Variants in PPM1E observed in about 807,000 individuals in gnomAD.
PPM1E encodes the protein protein phosphatase, Mg2+/Mn2+ dependent 1E, also known as protein phosphatase 1E.
Under a neutral mutation model 65.9 loss-of-function variants are expected in PPM1E, and 20 were observed. The observed-to-expected ratio is 0.30, with a 90% CI of 0.21 to 0.44. PPM1E has a LOEUF of 0.44. PPM1E is among the 20% of genes least tolerant of loss of function. The pLI is 1.00. For missense variants in PPM1E, 713 were observed against 953.1 expected, an observed-to-expected ratio of 0.75 and a Z score of 3.32; for synonymous variants, 352 against 374.9, an observed-to-expected ratio of 0.94 and a Z score of 0.70.
chr17:58,977,747 A>G (rs923717205), intron 6 of PPM1E, among the ~76,000 whole-genome samples: 9 of 152,130 alleles, frequency 5.9e-5, no homozygotes, highest in African/African-American at 2.2e-4. Flanking sequence ...AATGTTGGAA[A>G]GAAACTTTTT....
At chr17:58,873,600 A>ATTATTG (rs2051096556) in intron 1 of PPM1E, among the ~76,000 whole-genome samples, 1 of 111,664 alleles carries the variant, frequency 9.0e-6, no homozygotes, top group Non-Finnish European at 2.0e-5. Flanking sequence ...TATTATTATT[A>ATTATTG]TTATTATTTT....
intron 6 of PPM1E, 47 bp downstream of exon 6, chr17:58,972,972 C>T: frequency 1.5e-6 from 2 of 1,354,748 alleles, no homozygotes; most frequent in Non-Finnish European, 2.1e-6. Flanking sequence ...TCTTCTAGCT[C>T]ATTCTCCTGT....
Position 58,837,320 on chromosome 17 carries a change from A to AACACACACAC in PPM1E, c.464+80861_464+80870dup, listed in dbSNP as rs371754222. Among the ~76,000 whole-genome samples, 70 of 120,282 alleles carry AACACACACAC rather than the reference A, an allele frequency of 5.8e-4. 1 individual carries two copies. Among genetic ancestry groups the AACACACACAC allele is most frequent in the African/African-American group, 1.3e-3 (39 of 30,426 alleles). The allele number at this position is 120,282 out of a possible 152,430, so 78.9% of individuals were successfully genotyped here. A position where few individuals can be genotyped will look rare whatever the true frequency, so the allele number is the denominator to read the frequency against. ...TATACAACTGTCAGAGAATGAGAAT[A>AACACACACAC]ACACACACACATACACACACACACA... is the stretch of plus-strand genomic sequence containing the variant. On this transcript the variant is annotated intron_variant, in intron 1 of 6. Transcript: ENST00000308249.
chr17:58,949,340 C>T lies in PPM1E; in HGVS notation c.465-6309C>T, dbSNP rs563101121. 2.6e-5 allele frequency among the ~76,000 whole-genome samples: 4 copies of T among 152,190 alleles called. No homozygotes were observed. In the South Asian group the frequency reaches 8.3e-4, roughly 32 times the overall value. On this transcript the variant is annotated intron_variant, in intron 1 of 6. Coordinates refer to ENST00000308249, the MANE Select transcript of PPM1E (RefSeq NM_014906.5). ...CCTGCTTGCTTTTGGTTTCCATTTG[C>T]GTGGAATATCTCTTTCCATCCCTTC...
At chr17:58,793,617 A>G (rs1437892148) in intron 1 of PPM1E, among the ~76,000 whole-genome samples, 3 of 151,996 alleles carry the variant, frequency 2.0e-5, no homozygotes, top group Non-Finnish European at 2.9e-5. Flanking sequence ...AGGACTCCCA[A>G]AGTGCTGGGA....
At chr17:58,787,924 AAAG>A (rs1294654960) in intron 1 of PPM1E, among the ~76,000 whole-genome samples, 1 of 151,566 alleles carries the variant, frequency 6.6e-6, no homozygotes, top group African/African-American at 2.4e-5. Context: ...AAAAAAAAGA[AAAG>A]AAAGAAAAAA....
At chr17:58,775,686 G>A (rs962731832) in intron 1 of PPM1E, among the ~76,000 whole-genome samples, 17 of 150,342 alleles carry the variant, frequency 1.1e-4, no homozygotes, top group South Asian at 1.1e-3. Flanking sequence ...AGGCCGAGGC[G>A]GGTGGATCAT....
intron 1 of PPM1E, among the ~76,000 whole-genome samples, chr17:58,907,532 A>G (rs755183308): frequency 6.6e-6 from 1 of 152,168 alleles, no homozygotes; most frequent in Non-Finnish European, 1.5e-5. Flanking sequence ...GAGTTCAACT[A>G]TGTCCTTACT....
chr17:58,821,212 G>A (rs1465273558), intron 1 of PPM1E, among the ~76,000 whole-genome samples: 2 of 152,090 alleles, frequency 1.3e-5, no homozygotes, highest in African/African-American at 2.4e-5. Context: ...CCGGGTTCAC[G>A]CCATTCTCCT....
intron 3 of PPM1E, 98 bp from the exon 4 acceptor site, chr17:58,969,441 T>A: frequency 8.8e-7 from 1 of 1,137,034 alleles, no homozygotes; most frequent in South Asian, 1.3e-5. Flanking sequence ...ACAAATGCAG[T>A]GGAGGAGAAA....
intron 1 of PPM1E, among the ~76,000 whole-genome samples, chr17:58,877,710 T>C (rs894333345): frequency 3.3e-5 from 5 of 152,182 alleles, no homozygotes; most frequent in African/African-American, 1.2e-4. Flanking sequence ...AATCACAGGA[T>C]TGGGAAACTT....
chr17:58,791,761 C>T (rs144494369), intron 1 of PPM1E, among the ~76,000 whole-genome samples: 277 of 152,184 alleles, frequency 1.8e-3, no homozygotes, highest in African/African-American at 6.3e-3. Context: ...ATGGAGGTTA[C>T]GCAGGTAATG....
intron 1 of PPM1E, among the ~76,000 whole-genome samples, chr17:58,796,834 G>T (rs983961794): frequency 1.3e-5 from 2 of 152,136 alleles, no homozygotes; most frequent in African/African-American, 4.8e-5. Context: ...GGCCAGCCAT[G>T]GTGGCTCACA....
chr17:58,980,783 T>C lies in PPM1E; in HGVS notation c.2020T>C (p.Tyr674His). Residue 674 changes from tyrosine to histidine, a missense_variant, in exon 7 of 7, where the codon TAC (tyrosine) becomes CAC (histidine). Coordinates refer to ENST00000308249, the MANE Select transcript of PPM1E (RefSeq NM_014906.5). This position sits in a 1 kb window ranked among gnomAD's most constrained non-coding sequence, Gnocchi z 4.7. ...VSRLSHLRHH[Y>H]SKKWHRFRFN... ...TAGATTGTCTCATTTACGCCACCAC[T>C]ACTCAAAGAAGTGGCACAGATTCAG... is the stretch of plus-strand genomic sequence containing the variant. 3 of 1,614,188 alleles carry C rather than the reference T, an allele frequency of 1.9e-6. No individual in the cohort carries two copies. Among genetic ancestry groups the C allele is most frequent in the Non-Finnish European group, 2.5e-6 (3 of 1,180,012 alleles).
intron 1 of PPM1E, among the ~76,000 whole-genome samples, chr17:58,793,834 T>A (rs2050180438): frequency 6.6e-6 from 1 of 152,166 alleles, no homozygotes; most frequent in East Asian, 1.9e-4. Context: ...CTATATAAAC[T>A]GTGTATATAC....
intron 1 of PPM1E, among the ~76,000 whole-genome samples, chr17:58,805,568 T>C (rs1001950114): frequency 6.6e-6 from 1 of 152,096 alleles, no homozygotes; most frequent in African/African-American, 2.4e-5. Context: ...TAGTCTTTTA[T>C]CCCTCACCCC....
intron 1 of PPM1E, among the ~76,000 whole-genome samples, chr17:58,787,143 A>G (rs1381743443): frequency 6.6e-6 from 1 of 152,244 alleles, no homozygotes; most frequent in Non-Finnish European, 1.5e-5. Flanking sequence ...ATTCTATTAG[A>G]TAAGGAATTC....
chr17:58,769,316 T>G (rs1368761725), intron 1 of PPM1E, among the ~76,000 whole-genome samples: 2 of 152,144 alleles, frequency 1.3e-5, no homozygotes, highest in East Asian at 3.8e-4. Context: ...AAAGAGAGAC[T>G]GGGCTCAGTG....
chr17:58,809,398 A>G (rs1363478157), intron 1 of PPM1E, among the ~76,000 whole-genome samples: 6 of 151,958 alleles, frequency 3.9e-5, no homozygotes, highest in African/African-American at 1.5e-4. Flanking sequence ...CAAATTAACA[A>G]AATTTTTTTT....
Sources: gnomAD v4.1 joint callset for allele counts (sites outside exome capture counted in the v4.1 genomes callset) on GRCh38, gnomAD v4.1.1 for gene constraint, Gnocchi (gnomAD v3.1) non-coding constraint, MANE v1.5 for transcripts, NCBI Gene and HGNC (gene_info 2026-07-23, HGNC 2026-07-21) for gene names.